Variants in SLC16A7 observed in about 807,000 individuals in gnomAD.
The protein encoded by SLC16A7 is monocarboxylate transporter 2.
SLC16A7 carries 33 observed loss-of-function variants against 34.9 expected under a neutral mutation model. The observed-to-expected ratio is 0.94, with a 90% CI of 0.72 to 1.26. SLC16A7 has a LOEUF of 1.26. Ranked by LOEUF, SLC16A7 falls within the 50% of genes most tolerant of loss-of-function variation. The pLI is 0.00. For missense variants in SLC16A7, 573 were observed against 578.1 expected (o/e 0.99, Z 0.09); for synonymous variants, 201 against 206.6 (o/e 0.97, Z 0.23).
rs563830199 is a variant in SLC16A7, at chr12:59,642,097, C to A, written c.-129-13055C>A. The stretch of plus-strand genomic sequence containing the variant: ...AATCTAAATTAAGTCCTTTCTTATA[C>A]ATTTACATTCTGGAGACAAAGTTTT... On this transcript the variant is annotated intron_variant, in intron 1 of 5. Coordinates refer to ENST00000547379, the MANE Select transcript of SLC16A7 (RefSeq NM_001270623.2). Among the ~76,000 whole-genome samples, 7 of 152,152 alleles carry A rather than the reference C, an allele frequency of 4.6e-5. No individual in the cohort carries two copies. In the East Asian group the frequency reaches 9.7e-4, roughly 21 times the overall value.
At chr12:59,657,824 T>C (rs1446223151) in intron 2 of SLC16A7, among the ~76,000 whole-genome samples, 3 of 152,004 alleles carry the variant, frequency 2.0e-5, no homozygotes, top group Non-Finnish European at 4.4e-5. Context: ...ATCCCTGAAG[T>C]AGCATAGATT....
At chr12:59,609,508 C>CG (rs1157099006) in intron 1 of SLC16A7, among the ~76,000 whole-genome samples, 1 of 125,646 alleles carries the variant, frequency 8.0e-6, no homozygotes, top group East Asian at 2.2e-4. Flanking sequence ...AGATGTGGGT[C>CG]GGGGGGCATA....
rs139875740 is a variant in SLC16A7 at position 59,773,347 on chromosome 12, T to C, written c.362-1310T>C. ...CAGCTTTTAGGGGTCCTCTTACTTATAGAAAATGTCTGTATTAAAGGGTTG... is the reference window on the plus strand; with the variant it reads ...CAGCTTTTAGGGGTCCTCTTACTTACAGAAAATGTCTGTATTAAAGGGTTG... On this transcript the variant is annotated intron_variant, in intron 4 of 5. Transcript: ENST00000547379. 1.4e-3 allele frequency among the ~76,000 whole-genome samples: 212 copies of C among 152,232 alleles called. 1 individual carries two copies. The highest frequency in any genetic ancestry group is 6.8e-3 in the Middle Eastern group (2 of 294).
intron 1 of SLC16A7, among the ~76,000 whole-genome samples, chr12:59,598,268 A>G (rs901481702): frequency 2.0e-5 from 3 of 152,230 alleles, no homozygotes; most frequent in African/African-American, 7.2e-5. Flanking sequence ...TCTTGTCTAT[A>G]AAATGAGATT....
chr12:59,751,027 CAG>C (rs1329645922), intron 3 of SLC16A7, among the ~76,000 whole-genome samples: 1 of 134,844 alleles, frequency 7.4e-6, no homozygotes, highest in Admixed American at 9.3e-5. Flanking sequence ...AACATGGACA[CAG>C]GGAGGGGAAC....
At chr12:59,776,721 G>A (rs550703936) in intron 5 of SLC16A7, among the ~76,000 whole-genome samples, 5 of 151,916 alleles carry the variant, frequency 3.3e-5, no homozygotes, top group African/African-American at 1.2e-4. Context: ...GTATCAGTCG[G>A]CTCTAAGACC....
At chr12:59,599,982 G>A (rs1210618721) in intron 1 of SLC16A7, among the ~76,000 whole-genome samples, 1 of 152,182 alleles carries the variant, frequency 6.6e-6, no homozygotes, top group Non-Finnish European at 1.5e-5. Flanking sequence ...CAGGGCAGAC[G>A]AGGGGCTCTG....
chr12:59,697,640 C>T (rs1249438593), intron 2 of SLC16A7, among the ~76,000 whole-genome samples: 2 of 151,546 alleles, frequency 1.3e-5, no homozygotes, highest in East Asian at 1.9e-4. Flanking sequence ...AAGCCAACCT[C>T]GTCTCAGGCA....
rs1883093774 is a variant in SLC16A7 at position 59,779,620 on chromosome 12, G to A, written c.1378G>A (p.Val460Ile). 1.2e-6 allele frequency: 2 copies of A among 1,611,774 alleles called. No homozygotes were observed. Among genetic ancestry groups the A allele is most frequent in the Non-Finnish European group, 1.7e-6 (2 of 1,178,222 alleles). Residue 460 changes from valine to isoleucine, a missense_variant, in exon 6 of 6, where the codon GTT becomes ATT. Coordinates refer to ENST00000547379, the MANE Select transcript of SLC16A7 (RefSeq NM_001270623.2). ...PLSKSKHSED[V>I]NVKVSNAQSV... ...GAGCAAATCTAAACATTCGGAAGAT[G>A]TTAACGTCAAAGTTTCAAATGCACA...
At chr12:59,653,244 T>A (rs1868379117) in intron 1 of SLC16A7, among the ~76,000 whole-genome samples, 1 of 151,716 alleles carries the variant, frequency 6.6e-6, no homozygotes, top group African/African-American at 2.4e-5. Flanking sequence ...TAAAAGAAAT[T>A]TTTAGTTGAT....
At chr12:59,650,254 A>G (rs950816721) in intron 1 of SLC16A7, among the ~76,000 whole-genome samples, 3 of 152,112 alleles carry the variant, frequency 2.0e-5, no homozygotes, top group African/African-American at 7.2e-5. Flanking sequence ...GTCTTATTCA[A>G]AATAAAGGAG....
At chr12:59,751,449 A>T (rs1310716248) in intron 3 of SLC16A7, among the ~76,000 whole-genome samples, 1 of 152,370 alleles carries the variant, frequency 6.6e-6, no homozygotes, top group Non-Finnish European at 1.5e-5. Context: ...CCAGGAGATT[A>T]TATCCTGCAC....
chr12:59,677,947 CCTG>C (rs556109876), intron 2 of SLC16A7, among the ~76,000 whole-genome samples: 79 of 152,290 alleles, frequency 5.2e-4, no homozygotes, highest in Admixed American at 2.5e-3. Context: ...TTTACTTGAG[CCTG>C]GTGGACTCGT....
rs529935343 is a variant in SLC16A7 at position 59,697,513 on chromosome 12, A to T, written c.-30-7259A>T. On this transcript the variant is annotated intron_variant, in intron 2 of 5. Transcript: ENST00000547379. ...TTCTTTCCGTTTTTCTGATGCTTCC[A>T]TTTTTAGTCCTTTTCTGAATTTGGA... Among the ~76,000 whole-genome samples the T allele has an allele frequency of 1.4e-3, 214 of 152,002 alleles. 1 individual carries two copies. Among genetic ancestry groups the T allele is most frequent in the Middle Eastern group, 6.8e-3 (2 of 294 alleles).
chr12:59,627,430 A>C (rs1879978356), intron 1 of SLC16A7, among the ~76,000 whole-genome samples: 1 of 151,862 alleles, frequency 6.6e-6, no homozygotes, highest in Non-Finnish European at 1.5e-5. Context: ...GTGTGTATGT[A>C]CTTGTCTTTT....
At chr12:59,612,073 C>T (rs144861012) in intron 1 of SLC16A7, among the ~76,000 whole-genome samples, 1 of 152,340 alleles carries the variant, frequency 6.6e-6, no homozygotes, top group Non-Finnish European at 1.5e-5. Context: ...CCAGGCGGTG[C>T]CCCGATGGAG....
chr12:59,676,566 C>A (rs1007409579), intron 2 of SLC16A7, among the ~76,000 whole-genome samples: 2 of 151,792 alleles, frequency 1.3e-5, no homozygotes, highest in Non-Finnish European at 2.9e-5. Flanking sequence ...TTAGGTACAG[C>A]CCCCACTAAC....
intron 2 of SLC16A7, among the ~76,000 whole-genome samples, chr12:59,700,080 A>C (rs1872711593): frequency 6.6e-6 from 1 of 151,806 alleles, no homozygotes; most frequent in South Asian, 2.1e-4. Flanking sequence ...TCATCCAGAC[A>C]TGAGTTACAG....
chr12:59,699,019 C>CA (rs1809072600), intron 2 of SLC16A7, among the ~76,000 whole-genome samples: 1 of 151,644 alleles, frequency 6.6e-6, no homozygotes, highest in Non-Finnish European at 1.5e-5. Context: ...GAAGCTATAG[C>CA]AGAGTATTCA....
Sources: gnomAD v4.1 joint callset for allele counts (sites outside exome capture counted in the v4.1 genomes callset) on GRCh38, gnomAD v4.1.1 for gene constraint, MANE v1.5 for transcripts, NCBI Gene and HGNC (gene_info 2026-07-23, HGNC 2026-07-21) for gene names.